The following FHIT variants were observed in gnomAD, a reference collection of about 807,000 sequenced individuals.
FHIT encodes fragile histidine triad diadenosine triphosphatase.
Under a neutral mutation model 17.9 loss-of-function variants are expected in FHIT, and 19 were observed. The ratio of observed to expected loss-of-function variants is 1.06; its 90% CI spans 0.74 to 1.56. The LOEUF is 1.56. Among genes scored for constraint, FHIT ranks in the 40% most tolerant of loss-of-function variants. FHIT has a pLI of 0.00. For synonymous variants in FHIT, 81 were observed against 69.7 expected (o/e 1.16, Z -0.81); for missense variants, 248 against 189.2 (o/e 1.31, Z -1.82).
intron 5 of FHIT, among the ~76,000 whole-genome samples, chr3:60,450,973 C>T (rs2031700554): frequency 6.6e-6 from 1 of 152,038 alleles, no homozygotes; most frequent in African/African-American, 2.4e-5. Context: ...TAATTAATTG[C>T]TTTCAATAGT....
rs1393090704 is a variant in FHIT, at chr3:60,042,600, T to C, written c.104-28448A>G. On this transcript the variant is annotated intron_variant, in intron 5 of 9. Coordinates refer to ENST00000492590, the MANE Select transcript of FHIT (RefSeq NM_002012.4). ...GTTGCTATGTCTAAATTTCCCTTTC[T>C]TTAAGAATACAAGTCATATTGCACT... 2.0e-5 allele frequency among the ~76,000 whole-genome samples: 3 copies of C among 152,078 alleles called. 1 individual carries two copies. Among genetic ancestry groups the C allele is most frequent in the African/African-American group, 7.2e-5 (3 of 41,406 alleles).
At chr3:60,881,197 C>A (rs1704960676) in intron 3 of FHIT, among the ~76,000 whole-genome samples, 2 of 152,134 alleles carry the variant, frequency 1.3e-5, no homozygotes, top group Non-Finnish European at 2.9e-5. Flanking sequence ...TAAAAAGAGA[C>A]AAAGAGGATC....
intron 4 of FHIT, among the ~76,000 whole-genome samples, chr3:60,671,241 G>A (rs986687): frequency 6.6e-6 from 1 of 152,078 alleles, no homozygotes; most frequent in East Asian, 1.9e-4. Context: ...TGTTTTCAGG[G>A]AACCTAAACA....
intron 8 of FHIT, among the ~76,000 whole-genome samples, chr3:59,866,819 G>T (rs1702673565): frequency 6.6e-6 from 1 of 151,996 alleles, no homozygotes; most frequent in South Asian, 2.1e-4. Flanking sequence ...CAATATCCTT[G>T]GGCTGAGACC....
chr3:59,804,744 A>G (rs1411829462), intron 8 of FHIT, among the ~76,000 whole-genome samples: 1 of 152,052 alleles, frequency 6.6e-6, no homozygotes, highest in East Asian at 1.9e-4. Context: ...TGCAGACCCT[A>G]TTTTCCTGTC....
At chr3:60,743,625 G>T (rs543893623) in intron 4 of FHIT, among the ~76,000 whole-genome samples, 1 of 152,322 alleles carries the variant, frequency 6.6e-6, no homozygotes, top group South Asian at 2.1e-4. Context: ...GAGTAAGGGA[G>T]ATTTCTGTCC....
chr3:61,188,227 C>T (rs2038587276), intron 2 of FHIT, among the ~76,000 whole-genome samples: 1 of 152,062 alleles, frequency 6.6e-6, no homozygotes, highest in African/African-American at 2.4e-5. Context: ...CAAATAGATG[C>T]AGTAAAAAAT....
At chr3:60,666,018 T>C (rs1378692790) in intron 4 of FHIT, among the ~76,000 whole-genome samples, 2 of 152,174 alleles carry the variant, frequency 1.3e-5, no homozygotes, top group Non-Finnish European at 2.9e-5. Context: ...AACATTTAAC[T>C]AGTTTGAAAC....
At position 60,347,862 on chromosome 3, in the gene FHIT, G is replaced by A. The variant is rs565110316; in HGVS notation, c.103+188998C>T. 2.0e-4 allele frequency among the ~76,000 whole-genome samples: 31 copies of A among 152,014 alleles called. 1 individual carries two copies. The highest frequency in any genetic ancestry group is 6.5e-4 in the African/African-American group (27 of 41,458). ...CAACCTCCCCCTCCTGGGTTCAAGC[G>A]ATTCTCCTGCCTCAGCCTCCCAAGT... is the stretch of plus-strand genomic sequence containing the variant. On this transcript the variant is annotated intron_variant, in intron 5 of 9. Coordinates refer to ENST00000492590, the MANE Select transcript of FHIT (RefSeq NM_002012.4).
At chr3:60,067,906 T>C (rs992958509) in intron 5 of FHIT, among the ~76,000 whole-genome samples, 5 of 152,164 alleles carry the variant, frequency 3.3e-5, no homozygotes, top group African/African-American at 4.8e-5. Context: ...GTAGTTTCAA[T>C]GGTTTCACAC....
intron 3 of FHIT, among the ~76,000 whole-genome samples, chr3:60,826,294 TTTTTGTTTTGTTTTGTTTTG>T (rs142138204): frequency 0.048 from 7,121 of 149,332 alleles, 221 homozygotes; most frequent in South Asian, 0.088. Context: ...GAGGTTAGTT[TTTTTGTTTTGTTTTGTTTTG>T]TTTTGTTTTG....
At chr3:60,151,290 C>T (rs1559679187) in intron 5 of FHIT, among the ~76,000 whole-genome samples, 1 of 152,104 alleles carries the variant, frequency 6.6e-6, no homozygotes, top group Non-Finnish European at 1.5e-5. Context: ...TATCAGTTTA[C>T]ATTCCTGAAT....
intron 2 of FHIT, among the ~76,000 whole-genome samples, chr3:61,065,800 C>A (rs562268973): frequency 6.6e-6 from 1 of 151,998 alleles, no homozygotes; most frequent in East Asian, 1.9e-4. Flanking sequence ...AGCTTTTATT[C>A]TCTCATTTAA....
chr3:61,197,743 G>A (rs2038894364), intron 2 of FHIT, among the ~76,000 whole-genome samples: 1 of 152,074 alleles, frequency 6.6e-6, no homozygotes, highest in Non-Finnish European at 1.5e-5. Flanking sequence ...GTTGTGTTTG[G>A]GGTTGCTGGG....
At chr3:59,791,340 A>G (rs995186729) in intron 8 of FHIT, among the ~76,000 whole-genome samples, 3 of 152,026 alleles carry the variant, frequency 2.0e-5, no homozygotes, top group Admixed American at 1.3e-4. Flanking sequence ...GGTGGGGGAA[A>G]CCCACAATCT....
chr3:60,558,399 T>G (rs6805296), intron 4 of FHIT, among the ~76,000 whole-genome samples: 43,374 of 151,074 alleles, frequency 0.29, 6,494 homozygotes, highest in East Asian at 0.42. Context: ...AATATTTCTC[T>G]GATGTCATGG....
At chr3:59,914,825 T>TC (rs1385096311) in intron 8 of FHIT, among the ~76,000 whole-genome samples, 3 of 152,084 alleles carry the variant, frequency 2.0e-5, no homozygotes, top group Non-Finnish European at 2.9e-5. Flanking sequence ...TTTTTTTTTT[T>TC]CTATCCTTAA....
chr3:60,386,395 A>G (rs1458816923), intron 5 of FHIT, among the ~76,000 whole-genome samples: 6 of 152,218 alleles, frequency 3.9e-5, no homozygotes, highest in Non-Finnish European at 8.8e-5. Context: ...AACAATAATG[A>G]CAAGGCAATG....
At chr3:60,910,222 C>A (rs1706665703) in intron 3 of FHIT, among the ~76,000 whole-genome samples, 1 of 152,056 alleles carries the variant, frequency 6.6e-6, no homozygotes, top group African/African-American at 2.4e-5. Flanking sequence ...AGAAGGCTTT[C>A]CGAGATCTTG....
Sources: allele counts gnomAD v4.1 joint callset (sites outside exome capture counted in the v4.1 genomes callset), GRCh38; gene constraint gnomAD v4.1.1; transcripts MANE v1.5; gene names NCBI Gene and HGNC (gene_info 2026-07-23, HGNC 2026-07-21).